The following UBP1 variants were observed in gnomAD, a reference collection of about 807,000 sequenced individuals.
UBP1 encodes upstream-binding protein 1.
In UBP1, 22 loss-of-function variants were observed where a neutral mutation model predicts 76.1. The ratio of observed to expected loss-of-function variants is 0.29; its 90% CI spans 0.21 to 0.41. The LOEUF (loss-of-function observed/expected upper bound fraction) is 0.41. Among genes scored for constraint, UBP1 ranks in the 10% least tolerant of loss-of-function variants. UBP1 has a pLI of 1.00. For synonymous variants in UBP1, 224 were observed against 237.1 expected, an observed-to-expected ratio of 0.94 and a Z score of 0.51; for missense variants, 436 against 668.1, an observed-to-expected ratio of 0.65 and a Z score of 3.83.
At chr3:33,406,631 A>G (rs774106741) in intron 8 of UBP1, among the ~76,000 whole-genome samples, 6 of 152,178 alleles carry the variant, frequency 3.9e-5, no homozygotes, top group Non-Finnish European at 8.8e-5. Flanking sequence ...ATAAATACCC[A>G]TTTTGCTTTT....
intron 11 of UBP1, among the ~76,000 whole-genome samples, chr3:33,399,924 C>T (rs1370951648): frequency 6.6e-6 from 1 of 152,100 alleles, no homozygotes. Flanking sequence ...TCATGTAAAA[C>T]TATATACACC....
In UBP1 at chr3:33,390,131, C is replaced by T; in HGVS notation, c.*200G>A. The T allele has an allele frequency of 1.7e-6, 1 of 597,966 alleles. No homozygotes were observed. Among genetic ancestry groups the T allele is most frequent in the Non-Finnish European group, 3.0e-6 (1 of 334,950 alleles). 37.0% of individuals were successfully genotyped at this position (597,966 alleles called of 1,614,324 possible). ...GATGCATGCTGTGCCGATGTGCTCA[C>T]TCTCATGAGGATGCTTGGCTATGGC... On this transcript the variant is annotated 3_prime_UTR_variant, in exon 16 of 16. Transcript: ENST00000283629.
At position 33,439,895 on chromosome 3, in the gene UBP1, G is replaced by A. The variant is rs371080122; in HGVS notation, c.-47C>T. The A allele has an allele frequency of 7.7e-5, 123 of 1,603,832 alleles. 2 individuals carry two copies. In the East Asian group the frequency reaches 2.2e-3, roughly 29 times the overall value. On this transcript the variant is annotated 5_prime_UTR_variant, in exon 1 of 16. Coordinates refer to ENST00000283629, the MANE Select transcript of UBP1 (RefSeq NM_014517.5). ...CGCACACCGCGGCCTCCGCGTCCAG[G>A]GCGAAGGAGCCGGAGCTCCGCTGGC...
rs2043681123 is a variant in UBP1 at position 33,389,697 on chromosome 3, T to C, written c.*634A>G. 1 of 152,594 alleles carries C rather than the reference T, an allele frequency of 6.6e-6. No homozygotes were observed. The highest frequency in any genetic ancestry group is 1.5e-5 in the Non-Finnish European group (1 of 68,078). The allele number at this position is 152,594 out of a possible 1,614,324, so 9.5% of individuals were successfully genotyped here. On this transcript the variant is annotated 3_prime_UTR_variant, in exon 16 of 16. Transcript: ENST00000283629. Reference sequence around the variant, plus strand: ...ATTTACACTGATCCTCTCACCAAGGTACTCCTGATAATGCAGTTTGCTTCA... The same window carrying C: ...ATTTACACTGATCCTCTCACCAAGGCACTCCTGATAATGCAGTTTGCTTCA...
chr3:33,404,859 G>A (rs762758116), intron 8 of UBP1, among the ~76,000 whole-genome samples: 2 of 152,084 alleles, frequency 1.3e-5, no homozygotes, highest in Non-Finnish European at 1.5e-5. Flanking sequence ...TGACACTACC[G>A]AAAGAAAAAA....
intron 5 of UBP1, among the ~76,000 whole-genome samples, chr3:33,411,005 G>A (rs2044566921): frequency 6.6e-6 from 1 of 151,500 alleles, no homozygotes; most frequent in Non-Finnish European, 1.5e-5. Flanking sequence ...TCTGGGAGGC[G>A]GAGATTGCAG....
chr3:33,427,164 C>T (rs1448984918), intron 1 of UBP1, among the ~76,000 whole-genome samples: 3 of 152,184 alleles, frequency 2.0e-5, no homozygotes, highest in African/African-American at 7.2e-5. Flanking sequence ...AGGGTTTCGC[C>T]ATGTAGGCCA....
rs1239251640 is a variant in UBP1, at chr3:33,388,987, A to AT, written c.*1343dup. 1 of 152,232 alleles carries AT rather than the reference A, an allele frequency of 6.6e-6. No individual in the cohort carries two copies. The highest frequency in any genetic ancestry group is 2.4e-5 in the African/African-American group (1 of 41,440). The allele number at this position is 152,232 out of a possible 1,614,324, so 9.4% of individuals were successfully genotyped here. On this transcript the variant is annotated 3_prime_UTR_variant, in exon 16 of 16. Transcript: ENST00000283629. The stretch of plus-strand genomic sequence containing the variant: ...GGTATATGGACAAAGATATCCTACA[A>AT]TTAAAATGGAATAGAAGTTAAAAAA...
At chr3:33,394,635 G>A (rs1575447531) in intron 13 of UBP1, among the ~76,000 whole-genome samples, 1 of 152,064 alleles carries the variant, frequency 6.6e-6, no homozygotes, top group Non-Finnish European at 1.5e-5. Context: ...GCCAGACATG[G>A]ATCAGGAATA....
chr3:33,427,941 CAGCACTTT>C (rs2045046676), intron 1 of UBP1, among the ~76,000 whole-genome samples: 1 of 152,158 alleles, frequency 6.6e-6, no homozygotes, highest in Admixed American at 6.5e-5. Context: ...CCTATAATTC[CAGCACTTT>C]GGAAGGCTGA....
intron 5 of UBP1, among the ~76,000 whole-genome samples, chr3:33,411,370 A>G (rs2044577644): frequency 6.6e-6 from 1 of 152,240 alleles, no homozygotes; most frequent in Non-Finnish European, 1.5e-5. Flanking sequence ...TAACATTTGA[A>G]TAATGCTTTA....
intron 5 of UBP1, 130 bp downstream of exon 5, chr3:33,411,451 T>C (rs1204299127): frequency 1.4e-6 from 1 of 720,014 alleles, no homozygotes; most frequent in Non-Finnish European, 2.3e-6. Flanking sequence ...CCTAACTATG[T>C]ATATAGAAAG....
At chr3:33,408,911 C>G (rs974370804) in intron 7 of UBP1, 114 bp from the exon 8 acceptor site, 2 of 1,042,256 alleles carry the variant, frequency 1.9e-6, no homozygotes, top group Admixed American at 2.5e-5. Flanking sequence ...TAACAGGATT[C>G]AAAGTTAAAA....
At chr3:33,414,822 C>A (rs868318) in intron 3 of UBP1, among the ~76,000 whole-genome samples, 8 of 151,964 alleles carry the variant, frequency 5.3e-5, no homozygotes, top group Non-Finnish European at 8.8e-5. Context: ...AAAAATGAAC[C>A]CTTTTCAATC....
intron 1 of UBP1, among the ~76,000 whole-genome samples, chr3:33,431,891 A>T (rs2045120377): frequency 6.6e-6 from 1 of 152,132 alleles, no homozygotes; most frequent in Non-Finnish European, 1.5e-5. Flanking sequence ...AATGGATGAG[A>T]ATGTTATGGT....
At chr3:33,405,596 T>C (rs1575467213) in intron 8 of UBP1, among the ~76,000 whole-genome samples, 1 of 151,826 alleles carries the variant, frequency 6.6e-6, no homozygotes, top group South Asian at 2.1e-4. Context: ...GAGGCCAAGG[T>C]GGGAGGATCA....
chr3:33,434,400 G>A (rs1317340945), intron 1 of UBP1, among the ~76,000 whole-genome samples: 1 of 149,338 alleles, frequency 6.7e-6, no homozygotes, highest in African/African-American at 2.5e-5. Flanking sequence ...CCGGGCACAG[G>A]CAATTCTCCT....
intron 14 of UBP1, 104 bp downstream of exon 14, chr3:33,393,208 A>G (rs538414375): frequency 2.2e-5 from 26 of 1,191,124 alleles, no homozygotes; most frequent in Middle Eastern, 2.4e-4. Flanking sequence ...AATGATTCTC[A>G]TAAGTATTTT....
At chr3:33,432,219 G>C (rs1054875357) in intron 1 of UBP1, among the ~76,000 whole-genome samples, 3 of 152,048 alleles carry the variant, frequency 2.0e-5, no homozygotes, top group Non-Finnish European at 4.4e-5. Flanking sequence ...AGCTACTAGG[G>C]AGGCAGAGGT....
Sources: allele counts gnomAD v4.1 joint callset (sites outside exome capture counted in the v4.1 genomes callset), GRCh38; gene constraint gnomAD v4.1.1; transcripts MANE v1.5; gene names NCBI Gene and HGNC (gene_info 2026-07-23, HGNC 2026-07-21).